TRANK1: variants seen among roughly 807,000 people sequenced by gnomAD.
TRANK1 encodes tetratricopeptide repeat and ankyrin repeat containing 1.
Under a neutral mutation model 266.0 loss-of-function variants are expected in TRANK1, and 198 were observed. That is an observed-to-expected ratio of 0.74 (90% CI 0.66 to 0.84). The LOEUF (loss-of-function observed/expected upper bound fraction) is 0.84. TRANK1 is among the 40% of genes least tolerant of loss of function. The pLI is 0.00. For missense variants in TRANK1, 3,326 were observed against 3,634.6 expected (o/e 0.92, Z 2.18); for synonymous variants, 1,396 against 1,384.1 (o/e 1.01, Z -0.19).
At chr3:36,828,568 A>C (rs537789464) in intron 23 of TRANK1, among the ~76,000 whole-genome samples, 193 bp from the exon 24 acceptor site, 1 of 152,158 alleles carries the variant, frequency 6.6e-6, no homozygotes, top group African/African-American at 2.4e-5. Context: ...CTCCGTAATC[A>C]TTGGTTTAAA....
rs113837132 is a variant in TRANK1 at position 36,943,635 on chromosome 3, C to CT, written c.23+1151dup. ...CCTCCAACACACACACACCGTAGTA[C>CT]TTTTTTTTTTTTTCTATAAAGGACC... is the stretch of plus-strand genomic sequence containing the variant. On this transcript the variant is annotated intron_variant, in intron 1 of 23. Coordinates refer to ENST00000645898, the MANE Select transcript of TRANK1 (RefSeq NM_001329998.2). Among the ~76,000 whole-genome samples, 1,272 of 145,596 alleles carry CT rather than the reference C, an allele frequency of 8.7e-3. 11 individuals carry two copies. The highest frequency in any genetic ancestry group is 0.022 in the Middle Eastern group (6 of 274).
rs2078687887 is a variant in TRANK1, at chr3:36,831,152, G to C, written c.8431C>G (p.Gln2811Glu). The part of the protein sequence containing the change: ...SRAELEREEC[Q>E]ERNSESYEQH... ...TCGTAAGACTCGCTGTTCCTCTCCTGACACTCCTCCCTTTCCAGCTCAGCC... is the reference window on the plus strand; with the variant it reads ...TCGTAAGACTCGCTGTTCCTCTCCTCACACTCCTCCCTTTCCAGCTCAGCC... Residue 2811 changes from glutamine (Q) to glutamate (E), a missense_variant, in exon 22 of 24, where the codon CAG becomes GAG. Transcript: ENST00000645898. The surrounding 1 kb of genome is among the most constrained non-coding windows in gnomAD (Gnocchi z 5.0). The C allele has an allele frequency of 6.2e-7, 1 of 1,613,948 alleles. No homozygotes were observed. The highest frequency in any genetic ancestry group is 2.2e-5 in the East Asian group (1 of 44,876).
intron 1 of TRANK1, among the ~76,000 whole-genome samples, chr3:36,913,036 G>GTGTGTA (rs777943030): frequency 1.2e-3 from 179 of 151,132 alleles, no homozygotes; most frequent in Non-Finnish European, 2.0e-3. Context: ...TCTTTTGTGT[G>GTGTGTA]TGTGTGTGTG....
chr3:36,942,746 G>T (rs553651908), intron 1 of TRANK1, among the ~76,000 whole-genome samples: 10 of 151,938 alleles, frequency 6.6e-5, no homozygotes, highest in Non-Finnish European at 1.3e-4. Flanking sequence ...CACTTCCAAA[G>T]TCAACTCCCC....
At chr3:36,916,053 C>T (rs2080119694) in intron 1 of TRANK1, among the ~76,000 whole-genome samples, 2 of 152,146 alleles carry the variant, frequency 1.3e-5, no homozygotes, top group Admixed American at 1.3e-4. Context: ...TCTATGACAA[C>T]TTTCTGTGAT....
In TRANK1 at chr3:36,879,833, A is replaced by AATATACAAATATATGTAG. The variant is rs2079475003; in HGVS notation, c.908-5538_908-5537insCTACATATATTTGTATAT. 1.7e-5 allele frequency among the ~76,000 whole-genome samples: 2 copies of AATATACAAATATATGTAG among 115,638 alleles called. 1 individual carries two copies. The highest frequency in any genetic ancestry group is 7.6e-5 in the African/African-American group (2 of 26,194). The allele number at this position is 115,638 out of a possible 152,430, so 75.9% of individuals were successfully genotyped here. A position where few individuals can be genotyped will look rare whatever the true frequency, so the allele number is the denominator to read the frequency against. On this transcript the variant is annotated intron_variant, in intron 8 of 23. Coordinates refer to ENST00000645898, the MANE Select transcript of TRANK1 (RefSeq NM_001329998.2). The stretch of plus-strand genomic sequence containing the variant: ...ATATGTAAATATACAAATATATGTA[A>AATATACAAATATATGTAG]ATATACAAATATATGTAAATATACA...
At chr3:36,889,300 C>T (rs2079652428) in intron 8 of TRANK1, among the ~76,000 whole-genome samples, 2 of 152,170 alleles carry the variant, frequency 1.3e-5, no homozygotes, top group Non-Finnish European at 2.9e-5. Context: ...CACAGCCTTC[C>T]TGCTTCCCAG....
intron 1 of TRANK1, among the ~76,000 whole-genome samples, chr3:36,939,866 G>C (rs76336628): frequency 0.022 from 3,330 of 151,758 alleles, 51 homozygotes; most frequent in Non-Finnish European, 0.034. Flanking sequence ...TTATGTTGAT[G>C]TTTAGTGTCC....
At chr3:36,877,509 A>T (rs1341127931) in intron 8 of TRANK1, among the ~76,000 whole-genome samples, 1 of 152,234 alleles carries the variant, frequency 6.6e-6, no homozygotes, top group East Asian at 1.9e-4. Context: ...TATGTAAAAG[A>T]ATGGTCTCCA....
rs765852417 is a variant in TRANK1 at position 36,846,402 on chromosome 3, G to A, written c.5037C>T (p.Leu1679=). The part of the protein sequence containing the change: ...SLMVNPEMYK[L]LNGELKQLYT... ...ACAGCTGCTTCAGCTCTCCGTTGAGGAGCTAAAGATAACATTGAGGACAAA... is the reference window on the plus strand; with the variant it reads ...ACAGCTGCTTCAGCTCTCCGTTGAGAAGCTAAAGATAACATTGAGGACAAA... The change falls in exon 17 of 24, where the codon CTC becomes CTT. Residue 1679 remains leucine, a splice_region_variant and synonymous_variant. Transcript: ENST00000645898. 3.7e-6 allele frequency: 6 copies of A among 1,611,668 alleles called. No individual in the cohort carries two copies. In the South Asian group the frequency reaches 6.6e-5, roughly 18 times the overall value.
At chr3:36,906,266 T>C (rs771540518) in intron 2 of TRANK1, among the ~76,000 whole-genome samples, 1 of 152,116 alleles carries the variant, frequency 6.6e-6, no homozygotes, top group Non-Finnish European at 1.5e-5. Flanking sequence ...GGAGCCGTGT[T>C]TCAGTAATTT....
In TRANK1 at chr3:36,832,966, C is replaced by G; in HGVS notation, c.6617G>C (p.Cys2206Ser). Residue 2206 changes from cysteine to serine, a missense_variant, in exon 22 of 24, where the codon TGT becomes TCT. Coordinates refer to ENST00000645898, the MANE Select transcript of TRANK1 (RefSeq NM_001329998.2). ...CCGCAGAGGCCTGTGAAAATGTTCACAGTTTTCATCCTCACATTTTAAGCC... is the reference window on the plus strand; with the variant it reads ...CCGCAGAGGCCTGTGAAAATGTTCAGAGTTTTCATCCTCACATTTTAAGCC... ...IVGLKCEDENCEHFHRPLRRC... is the reference protein window; with the variant it reads ...IVGLKCEDENSEHFHRPLRRC... 1 of 1,611,324 alleles carries G rather than the reference C, an allele frequency of 6.2e-7. No individual in the cohort carries two copies. Among genetic ancestry groups the G allele is most frequent in the Non-Finnish European group, 8.5e-7 (1 of 1,178,420 alleles).
chr3:36,850,817 T>G, intron 15 of TRANK1: 1 of 985,438 alleles, frequency 1.0e-6, no homozygotes, highest in Non-Finnish European at 1.2e-6. Context: ...GGGTCAGTTC[T>G]GGGGCAGATT....
chr3:36,832,141 C>T lies in TRANK1; in HGVS notation c.7442G>A (p.Ser2481Asn), dbSNP rs753048377. ...CCAGTAGTGCAAGAGTGCAATGTAGCTCTTGGGGAGGCATAGAATGACATT... is the reference window on the plus strand; with the variant it reads ...CCAGTAGTGCAAGAGTGCAATGTAGTTCTTGGGGAGGCATAGAATGACATT... ...WKNVILCLPK[S>N]YIALLHYWEF... is the part of the protein sequence containing the mutation. Residue 2481 changes from serine to asparagine, a missense_variant, in exon 22 of 24, where the codon AGC becomes AAC. By Grantham distance (46) the Ser-to-Asn change is conservative. Coordinates refer to ENST00000645898, the MANE Select transcript of TRANK1 (RefSeq NM_001329998.2). The T allele has an allele frequency of 1.2e-6, 2 of 1,613,952 alleles. No individual in the cohort carries two copies. The highest frequency in any genetic ancestry group is 1.7e-6 in the Non-Finnish European group (2 of 1,179,882).
At chr3:36,875,878 G>T (rs556678782) in intron 8 of TRANK1, among the ~76,000 whole-genome samples, 1 of 152,096 alleles carries the variant, frequency 6.6e-6, no homozygotes, top group Non-Finnish European at 1.5e-5. Flanking sequence ...AAAAAGTAAC[G>T]CTTAGAGCCT....
chr3:36,905,956 A>G (rs377589671), intron 2 of TRANK1, among the ~76,000 whole-genome samples: 30 of 152,332 alleles, frequency 2.0e-4, no homozygotes, highest in East Asian at 1.2e-3. Flanking sequence ...GGAAGGTCCC[A>G]CAAAAGGCAA....
intron 1 of TRANK1, among the ~76,000 whole-genome samples, chr3:36,922,220 G>A (rs1163063432): frequency 6.6e-6 from 1 of 152,122 alleles, no homozygotes; most frequent in Non-Finnish European, 1.5e-5. Context: ...TATTCTATCT[G>A]GCTACTATTA....
At chr3:36,879,601 T>A (rs1048499300) in intron 8 of TRANK1, among the ~76,000 whole-genome samples, 1 of 64,534 alleles carries the variant, frequency 1.5e-5, no homozygotes, top group Non-Finnish European at 2.7e-5. Flanking sequence ...AATATATAAA[T>A]ATATATAAAT....
At chr3:36,915,364 C>A (rs1233550370) in intron 1 of TRANK1, among the ~76,000 whole-genome samples, 1 of 152,168 alleles carries the variant, frequency 6.6e-6, no homozygotes, top group Admixed American at 6.5e-5. Flanking sequence ...TCCATCATCT[C>A]AAACATTTAT....
Sources: allele counts gnomAD v4.1 joint callset (sites outside exome capture counted in the v4.1 genomes callset), GRCh38; gene constraint gnomAD v4.1.1; non-coding constraint Gnocchi (gnomAD v3.1); transcripts MANE v1.5; gene names NCBI Gene and HGNC (gene_info 2026-07-23, HGNC 2026-07-21).